IARS1: variants seen among roughly 807,000 people sequenced by gnomAD.
IARS1 encodes isoleucyl-tRNA synthetase 1, also known as isoleucine--tRNA ligase, cytoplasmic.
IARS1 carries 124 observed loss-of-function variants against 168.2 expected under a neutral mutation model. The ratio of observed to expected loss-of-function variants is 0.74; its 90% CI spans 0.64 to 0.86. The LOEUF (loss-of-function observed/expected upper bound fraction) is 0.86. Ranked by LOEUF, IARS1 falls within the 40% of genes least tolerant of loss-of-function variation. The pLI is 0.00. For missense variants in IARS1, 1,452 were observed against 1,515.8 expected, an observed-to-expected ratio of 0.96 and a Z score of 0.70; for synonymous variants, 532 against 529.4, an observed-to-expected ratio of 1.00 and a Z score of -0.07.
chr9:92,260,637 A>T (rs1564176307), intron 17 of IARS1, among the ~76,000 whole-genome samples: 1 of 152,210 alleles, frequency 6.6e-6, no homozygotes, highest in East Asian at 1.9e-4. Flanking sequence ...CCTGGGCAGC[A>T]GAGCAAGACT....
At chr9:92,216,947 C>T (rs991824683) in intron 33 of IARS1, among the ~76,000 whole-genome samples, 6 of 151,332 alleles carry the variant, frequency 4.0e-5, no homozygotes, top group Non-Finnish European at 8.9e-5. Flanking sequence ...CAGAACTCTC[C>T]ACCCCAAATT....
chr9:92,214,294 C>T (rs1449691284), intron 33 of IARS1, among the ~76,000 whole-genome samples: 3 of 151,740 alleles, frequency 2.0e-5, no homozygotes, highest in East Asian at 3.9e-4. Flanking sequence ...GGTGGCTCAC[C>T]CCCGTAATCC....
chr9:92,263,908 A>T (rs1184942894), intron 16 of IARS1, among the ~76,000 whole-genome samples: 1 of 152,234 alleles, frequency 6.6e-6, no homozygotes, highest in South Asian at 2.1e-4. Context: ...GACAAAAAGG[A>T]CTGGAATCTG....
In IARS1 at chr9:92,240,935, T is replaced by C. The variant is rs1384587217; in HGVS notation, c.3204A>G (p.Thr1068=). The change falls in exon 30 of 34, where the codon ACA becomes ACG. Residue 1068 remains threonine (T), a synonymous_variant. Coordinates refer to ENST00000443024, the MANE Select transcript of IARS1 (RefSeq NM_002161.6). ...TQLKGSELEI[T]LTRGSSLPGP... ...CAGGAAGGGAAGATCCTCTGGTGAGTGTAATTTCCAGTTCAGATCCCTTCA... is the reference window on the plus strand; with the variant it reads ...CAGGAAGGGAAGATCCTCTGGTGAGCGTAATTTCCAGTTCAGATCCCTTCA... The C allele has an allele frequency of 6.2e-7, 1 of 1,612,662 alleles. No homozygotes were observed. The highest frequency in any genetic ancestry group is 1.7e-5 in the Admixed American group (1 of 60,000).
At chr9:92,217,604 C>G (rs969106521) in intron 33 of IARS1, among the ~76,000 whole-genome samples, 1 of 150,622 alleles carries the variant, frequency 6.6e-6, no homozygotes, top group Non-Finnish European at 1.5e-5. Flanking sequence ...CACCACCGAT[C>G]CCACAGAAAT....
intron 10 of IARS1, among the ~76,000 whole-genome samples, chr9:92,272,883 A>AAAAAC: frequency 6.6e-6 from 1 of 151,618 alleles, no homozygotes; most frequent in Non-Finnish European, 1.5e-5. Flanking sequence ...AAAAAAAAAA[A>AAAAAC]AAAATTTACC....
intron 6 of IARS1, among the ~76,000 whole-genome samples, chr9:92,281,932 T>C (rs1473460705): frequency 1.3e-5 from 2 of 152,168 alleles, no homozygotes; most frequent in Admixed American, 6.5e-5. Context: ...GACATACCAC[T>C]GCATGAAGCA....
At position 92,277,674 on chromosome 9, in the gene IARS1, T is replaced by TA. The variant is rs34636470; in HGVS notation, c.894+188dup. On this transcript the variant is annotated intron_variant, in intron 9 of 33. Coordinates refer to ENST00000443024, the MANE Select transcript of IARS1 (RefSeq NM_002161.6). ...TGGGGGACAGAGGAAACCCTGTTTT[T>TA]AAAAAAAAAAAAAAAAATCCTCTAA... Among the ~76,000 whole-genome samples the TA allele has an allele frequency of 7.8e-4, 112 of 143,640 alleles. 1 individual carries two copies. Among genetic ancestry groups the TA allele is most frequent in the East Asian group, 2.6e-3 (13 of 4,918 alleles). The allele number at this position is 143,640 out of a possible 152,430, so 94.2% of individuals were successfully genotyped here. A position where few individuals can be genotyped will look rare whatever the true frequency, so the allele number is the denominator to read the frequency against.
intron 15 of IARS1, 77 bp downstream of exon 15, chr9:92,265,403 G>T: frequency 7.8e-7 from 1 of 1,279,698 alleles, no homozygotes; most frequent in South Asian, 1.2e-5. Flanking sequence ...TCCATGTGTG[G>T]CTCTGTAATC....
chr9:92,265,481 T>A lies in IARS1; in HGVS notation c.1504A>T (p.Ser502Cys). Residue 502 changes from serine to cysteine, a missense_variant and splice_region_variant, in exon 15 of 34, where the codon AGT becomes TGT. Ser to Cys is a moderately radical substitution (Grantham distance 112). Coordinates refer to ENST00000443024, the MANE Select transcript of IARS1 (RefSeq NM_002161.6). ...TGAATCGAACATTTAGAAACTGACC[T>A]CTCTCTGTGGAGATCTGAGATCTTT... ...GAKISDLHRE[S>C]VDHLTIPSRC... 1 of 1,613,142 alleles carries A rather than the reference T, an allele frequency of 6.2e-7. No individual in the cohort carries two copies. Among genetic ancestry groups the A allele is most frequent in the Non-Finnish European group, 8.5e-7 (1 of 1,179,232 alleles).
At chr9:92,262,096 C>A (rs1213291267) in intron 17 of IARS1, among the ~76,000 whole-genome samples, 1 of 151,372 alleles carries the variant, frequency 6.6e-6, no homozygotes, top group African/African-American at 2.4e-5. Flanking sequence ...AGTACACATA[C>A]TACAGAGGCA....
At chr9:92,211,357 C>T (rs901928371) in intron 33 of IARS1, among the ~76,000 whole-genome samples, 4 of 148,368 alleles carry the variant, frequency 2.7e-5, no homozygotes, top group Non-Finnish European at 3.0e-5. Flanking sequence ...GGGTCTCTCT[C>T]TCTCTCTCAC....
At chr9:92,264,187 T>G (rs945468958) in intron 16 of IARS1, among the ~76,000 whole-genome samples, 3 of 151,818 alleles carry the variant, frequency 2.0e-5, no homozygotes, top group Admixed American at 6.6e-5. Flanking sequence ...CTACAAAAAT[T>G]AGCTGGGCAT....
intron 29 of IARS1, 152 bp downstream of exon 29, chr9:92,242,002 C>T (rs779330022): frequency 6.4e-5 from 39 of 612,334 alleles, no homozygotes; most frequent in Non-Finnish European, 1.0e-4. Flanking sequence ...AGCTTCCACT[C>T]TCTGACTCTA....
intron 33 of IARS1, among the ~76,000 whole-genome samples, chr9:92,222,245 TG>T (rs987378449): frequency 6.9e-6 from 1 of 145,002 alleles, no homozygotes; most frequent in African/African-American, 2.6e-5. Context: ...GTTCCTGGGT[TG>T]AAGCCCCAGG....
intron 33 of IARS1, among the ~76,000 whole-genome samples, chr9:92,214,802 A>G (rs1205849319): frequency 1.3e-5 from 2 of 152,180 alleles, no homozygotes; most frequent in Non-Finnish European, 2.9e-5. Context: ...TTGCTAGCAT[A>G]GCAGTCTGAG....
intron 30 of IARS1, among the ~76,000 whole-genome samples, chr9:92,235,747 G>C (rs1047412613): frequency 6.6e-6 from 1 of 151,630 alleles, no homozygotes; most frequent in Non-Finnish European, 1.5e-5. Flanking sequence ...GGCTGGTCTT[G>C]AACTCCTGAC....
chr9:92,239,940 C>A (rs1233949484), intron 30 of IARS1, among the ~76,000 whole-genome samples: 3 of 152,150 alleles, frequency 2.0e-5, no homozygotes, highest in Non-Finnish European at 4.4e-5. Context: ...ATCTCTTGAT[C>A]CTTTGTCAAG....
chr9:92,253,132 T>G (rs1830249627), intron 21 of IARS1, among the ~76,000 whole-genome samples: 2 of 152,196 alleles, frequency 1.3e-5, no homozygotes, highest in African/African-American at 4.8e-5. Flanking sequence ...CAATATGACA[T>G]GTACATAATT....
Sources: gnomAD v4.1 joint callset for allele counts (sites outside exome capture counted in the v4.1 genomes callset) on GRCh38, gnomAD v4.1.1 for gene constraint, MANE v1.5 for transcripts, NCBI Gene and HGNC (gene_info 2026-07-23, HGNC 2026-07-21) for gene names.